CLEC17A: variants seen among roughly 807,000 people sequenced by gnomAD.
CLEC17A encodes the protein C-type lectin domain containing 17A.
Under a neutral mutation model 61.3 loss-of-function variants are expected in CLEC17A, and 37 were observed. That is an observed-to-expected ratio of 0.60 (90% CI 0.46 to 0.79). CLEC17A has a LOEUF of 0.79. Ranked by LOEUF, CLEC17A falls within the 30% of genes least tolerant of loss-of-function variation. The pLI is 0.00. For synonymous variants in CLEC17A, 168 were observed against 164.9 expected, an observed-to-expected ratio of 1.02 and a Z score of -0.14; for missense variants, 418 against 464.7, an observed-to-expected ratio of 0.90 and a Z score of 0.92.
In CLEC17A at chr19:14,597,012, G is replaced by C; in HGVS notation, c.582G>C (p.Lys194Asn). The change falls in exon 9 of 14, where the codon AAG (lysine) becomes AAC (asparagine). Residue 194 changes from lysine (K) to asparagine (N), a missense_variant and splice_region_variant. Transcript: ENST00000417570. Reference sequence around the variant, plus strand: ...TTGGTCTCACTGTGACCCTGATTAAGTGTGAGTAGGGCCAGGAAGGGACAT... The same window carrying C: ...TTGGTCTCACTGTGACCCTGATTAACTGTGAGTAGGGCCAGGAAGGGACAT... ...GCLGLTVTLIKYQELMEELRM... is the reference protein window; with the variant it reads ...GCLGLTVTLINYQELMEELRM... 6.2e-7 allele frequency: 1 copy of C among 1,610,292 alleles called. No individual in the cohort carries two copies.
In CLEC17A at chr19:14,600,072, G is replaced by A. The variant is rs551331621; in HGVS notation, c.784G>A (p.Glu262Lys). 6 of 1,613,998 alleles carry A rather than the reference G, an allele frequency of 3.7e-6. No individual in the cohort carries two copies. In the South Asian group the frequency reaches 6.6e-5, roughly 18 times the overall value. ...CTGTCCTGAAGGCTGGCTGCCCTTT[G>A]AGGGCAAGTGTTACTACTTCTCCCC... ...ITCPEGWLPF[E>K]GKCYYFSPST... is the part of the protein sequence containing the mutation. The change falls in exon 12 of 14, where the codon GAG becomes AAG. Residue 262 changes from glutamate to lysine, a missense_variant. Transcript: ENST00000417570.
intron 2 of CLEC17A, 55 bp downstream of exon 2, chr19:14,583,489 G>GTGGGCATTGGT (rs2074214750): frequency 6.2e-7 from 1 of 1,607,060 alleles, no homozygotes; most frequent in Non-Finnish European, 8.5e-7. Flanking sequence ...GGGGTCTCCA[G>GTGGGCATTGGT]TGGGCATTGG....
intron 12 of CLEC17A, among the ~76,000 whole-genome samples, chr19:14,604,256 T>C (rs2146737891): frequency 6.6e-6 from 1 of 152,258 alleles, no homozygotes; most frequent in Non-Finnish European, 1.5e-5. Flanking sequence ...CTGGGGTTTT[T>C]ACCATCACCT....
At chr19:14,599,181 G>C (rs538529970) in intron 10 of CLEC17A, among the ~76,000 whole-genome samples, 3 of 138,748 alleles carry the variant, frequency 2.2e-5, no homozygotes, top group South Asian at 2.3e-4. Flanking sequence ...TCTGCCTTCC[G>C]GGTTCAAGTG....
At chr19:14,605,795 G>T (rs2074850028) in intron 12 of CLEC17A, among the ~76,000 whole-genome samples, 1 of 152,128 alleles carries the variant, frequency 6.6e-6, no homozygotes. Context: ...CTGGAGTGCA[G>T]TGGTGCATTC....
chr19:14,591,119 G>A (rs527959303), intron 3 of CLEC17A, among the ~76,000 whole-genome samples: 1 of 151,656 alleles, frequency 6.6e-6, no homozygotes, highest in Non-Finnish European at 1.5e-5. Flanking sequence ...AGAGGGGAGG[G>A]GTGTGGCTGT....
intron 3 of CLEC17A, among the ~76,000 whole-genome samples, chr19:14,591,007 G>A (rs988917557): frequency 2.8e-4 from 42 of 151,802 alleles, no homozygotes; most frequent in Admixed American, 1.8e-3. Flanking sequence ...CTATTTCTGC[G>A]TCTCTTTACT....
chr19:14,585,432 G>A (rs985312051), intron 2 of CLEC17A, among the ~76,000 whole-genome samples: 4 of 152,244 alleles, frequency 2.6e-5, no homozygotes, highest in African/African-American at 9.6e-5. Context: ...TTCAAGATGG[G>A]TTCCCTGTGA....
chr19:14,582,184 G>A (rs1455972265), upstream of CLEC17A, among the ~76,000 whole-genome samples: 1 of 150,200 alleles, frequency 6.7e-6, no homozygotes, highest in Admixed American at 6.6e-5. Flanking sequence ...ATCTCCTTCT[G>A]TTTCCCTTCT....
intron 12 of CLEC17A, among the ~76,000 whole-genome samples, chr19:14,604,772 AT>A (rs921717083): frequency 1.1e-4 from 16 of 151,250 alleles, no homozygotes; most frequent in African/African-American, 1.7e-4. Context: ...CAAAAAAAAA[AT>A]TTTTTTTTTA....
At chr19:14,591,523 C>T (rs2074418318) in intron 3 of CLEC17A, among the ~76,000 whole-genome samples, 1 of 150,508 alleles carries the variant, frequency 6.6e-6, no homozygotes, top group Non-Finnish European at 1.5e-5. Flanking sequence ...CGGCTCACTG[C>T]AATGGGGGCT....
At chr19:14,590,862 A>T (rs1298505262) in intron 3 of CLEC17A, among the ~76,000 whole-genome samples, 7 of 135,360 alleles carry the variant, frequency 5.2e-5, no homozygotes, top group Non-Finnish European at 9.7e-5. Flanking sequence ...GTTTTTTCTA[A>T]TTTTTTTTTT....
intron 8 of CLEC17A, among the ~76,000 whole-genome samples, chr19:14,596,646 A>G (rs1004731091): frequency 1.3e-5 from 2 of 152,126 alleles, no homozygotes; most frequent in African/African-American, 4.8e-5. Context: ...GAAGGAAAGA[A>G]GGAAAAAGAG....
At chr19:14,598,236 C>T (rs913615271) in intron 10 of CLEC17A, among the ~76,000 whole-genome samples, 5 of 151,956 alleles carry the variant, frequency 3.3e-5, no homozygotes, top group Non-Finnish European at 7.4e-5. Flanking sequence ...TGGGAGGATC[C>T]CTTGAGGCCA....
At chr19:14,592,402 C>T (rs776668908) in intron 4 of CLEC17A, 44 bp downstream of exon 4, 1 of 1,610,212 alleles carries the variant, frequency 6.2e-7, no homozygotes, top group South Asian at 1.1e-5. Context: ...ATACAGGGAA[C>T]AGGGTTTCCA....
In CLEC17A at chr19:14,607,114, G is replaced by T; in HGVS notation, c.1004+12G>T. 1 of 1,220,628 alleles carries T rather than the reference G, an allele frequency of 8.2e-7. No homozygotes were observed. Among genetic ancestry groups the T allele is most frequent in the South Asian group, 2.8e-5 (1 of 36,150 alleles). 75.6% of individuals were successfully genotyped at this position (1,220,628 alleles called of 1,614,324 possible). ...CCTGTGACATTAAGGCAAGTGCTTGGGTTTCCTGGGGTCTCTCTGCTTCCT... is the reference window on the plus strand; with the variant it reads ...CCTGTGACATTAAGGCAAGTGCTTGTGTTTCCTGGGGTCTCTCTGCTTCCT... On this transcript the variant is annotated intron_variant, in intron 13 of 13. Transcript: ENST00000417570.
intron 12 of CLEC17A, 37 bp from the exon 13 acceptor site, chr19:14,606,953 TGTA>T (rs1886240737): frequency 2.7e-5 from 29 of 1,088,618 alleles, no homozygotes; most frequent in Non-Finnish European, 3.0e-5. Flanking sequence ...CTGAGGGTCA[TGTA>T]GAGGAATGGC....
chr19:14,605,867 T>C (rs2074852285), intron 12 of CLEC17A, among the ~76,000 whole-genome samples: 1 of 152,042 alleles, frequency 6.6e-6, no homozygotes, highest in Non-Finnish European at 1.5e-5. Flanking sequence ...GCCTCCTGAG[T>C]AGCTGGGACT....
intron 4 of CLEC17A, 54 bp from the exon 5 acceptor site, chr19:14,594,463 C>G (rs1329734448): frequency 3.2e-6 from 5 of 1,550,072 alleles, no homozygotes; most frequent in Non-Finnish European, 4.4e-6. Flanking sequence ...ATCACTTCCT[C>G]TTGGCGCATT....
Sources: gnomAD v4.1 joint callset for allele counts (sites outside exome capture counted in the v4.1 genomes callset) on GRCh38, gnomAD v4.1.1 for gene constraint, MANE v1.5 for transcripts, NCBI Gene and HGNC (gene_info 2026-07-23, HGNC 2026-07-21) for gene names.